Variants in PLA2G2F observed in about 807,000 individuals in gnomAD.
The protein encoded by PLA2G2F is group IIF secretory phospholipase A2.
PLA2G2F carries 17 observed loss-of-function variants against 15.9 expected under a neutral mutation model. The observed-to-expected ratio is 1.07, with a 90% confidence interval of 0.73 to 1.60. The LOEUF is 1.60. Ranked by LOEUF, PLA2G2F falls within the 40% of genes most tolerant of loss-of-function variation. The probability of loss-of-function intolerance (pLI) is 0.00; values close to 1 mark genes in which losing one functional copy is unlikely to be tolerated. For synonymous variants in PLA2G2F, 119 were observed against 106.5 expected, an observed-to-expected ratio of 1.12 and a Z score of -0.72; for missense variants, 299 against 278.2, an observed-to-expected ratio of 1.07 and a Z score of -0.53.
At position 20,139,640 on chromosome 1, in the gene PLA2G2F, G is replaced by A. The variant is rs554963072; in HGVS notation, c.116+97G>A. 1.4e-4 allele frequency: 135 copies of A among 938,984 alleles called. No homozygotes were observed. In the South Asian group the frequency reaches 2.2e-3, roughly 15 times the overall value. The allele number at this position is 938,984 out of a possible 1,614,324, so 58.2% of individuals were successfully genotyped here. A position where few individuals can be genotyped will look rare whatever the true frequency, so the allele number is the denominator to read the frequency against. The stretch of plus-strand genomic sequence containing the variant: ...GAATCCCTTTCTCCTAAGAGTCCAC[G>A]TGGTGGGCAGAACCCCAAAGGGATC... On this transcript the variant is annotated intron_variant, in intron 1 of 4. Coordinates refer to ENST00000375102, the MANE Select transcript of PLA2G2F (RefSeq NM_022819.4).
rs776459350 is a variant in PLA2G2F at position 20,148,391 on chromosome 1, C to T, written c.626C>T (p.Ala209Val). ...AGTCACCAATCCCCAGCGCCCCCCG[C>T]CCCTCCCTAGAGCCTCTGAGGTTTG... ...TCSHQSPAPP[A>V]PP Residue 209 changes from alanine (A) to valine (V), a missense_variant, in exon 5 of 5, where the codon GCC (alanine) becomes GTC (valine). Coordinates refer to ENST00000375102, the MANE Select transcript of PLA2G2F (RefSeq NM_022819.4). 3 of 1,611,302 alleles carry T rather than the reference C, an allele frequency of 1.9e-6. No homozygotes were observed. Among genetic ancestry groups the T allele is most frequent in the Non-Finnish European group, 2.5e-6 (3 of 1,177,908 alleles).
intron 4 of PLA2G2F, among the ~76,000 whole-genome samples, 164 bp downstream of exon 4, chr1:20,144,853 G>A (rs2017556393): frequency 6.6e-6 from 1 of 152,212 alleles, no homozygotes; most frequent in Non-Finnish European, 1.5e-5. Flanking sequence ...GAGGCGGGCG[G>A]ATCACTTGAG....
chr1:20,143,793 G>A (rs1411538023), intron 3 of PLA2G2F: 2 of 624,026 alleles, frequency 3.2e-6, no homozygotes, highest in Non-Finnish European at 5.4e-6. Flanking sequence ...CCATCTCCAA[G>A]GCCATGGGCT....
chr1:20,139,570 A>C (rs896373289), intron 1 of PLA2G2F, 27 bp downstream of exon 1: 1 of 1,448,518 alleles, frequency 6.9e-7, no homozygotes, highest in Non-Finnish European at 9.2e-7. Context: ...CTGAGATGGA[A>C]TCCTCCAGGG....
Position 20,148,445 on chromosome 1 carries a change from T to G in PLA2G2F, c.*44T>G, listed in dbSNP as rs2017659651. ...GAGAGAGCGGGAGGAGGGTCTGGCTTGGGGACCAGACGAGGTGCAGGGAGG... is the reference window on the plus strand; with the variant it reads ...GAGAGAGCGGGAGGAGGGTCTGGCTGGGGGACCAGACGAGGTGCAGGGAGG... On this transcript the variant is annotated 3_prime_UTR_variant, in exon 5 of 5. Transcript: ENST00000375102. 1 of 1,534,076 alleles carries G rather than the reference T, an allele frequency of 6.5e-7. No homozygotes were observed. Among genetic ancestry groups the G allele is most frequent in the African/African-American group, 1.4e-5 (1 of 73,362 alleles).
intron 4 of PLA2G2F, among the ~76,000 whole-genome samples, chr1:20,147,692 C>T (rs2017640483): frequency 6.6e-6 from 1 of 152,166 alleles, no homozygotes; most frequent in South Asian, 2.1e-4. Flanking sequence ...TCAGGTGATC[C>T]ACCTGTCTTG....
rs2017696553 is a variant in PLA2G2F at position 20,149,835 on chromosome 1, G to C, written c.*1434G>C. On this transcript the variant is annotated 3_prime_UTR_variant, in exon 5 of 5. Coordinates refer to ENST00000375102, the MANE Select transcript of PLA2G2F (RefSeq NM_022819.4). ...CCTTACCTGCCCGAGCCTCAACTCA[G>C]GGTCAGCAGCCTCCACGGAGCCAGC... 6.6e-6 allele frequency: 1 copy of C among 152,624 alleles called. No individual in the cohort carries two copies. Among genetic ancestry groups the C allele is most frequent in the Non-Finnish European group, 1.5e-5 (1 of 68,388 alleles). The allele number at this position is 152,624 out of a possible 1,614,324, so 9.5% of individuals were successfully genotyped here.
chr1:20,149,398 C>T lies in PLA2G2F; in HGVS notation c.*997C>T, dbSNP rs558810216. 6.6e-6 allele frequency: 1 copy of T among 152,418 alleles called. No homozygotes were observed. The highest frequency in any genetic ancestry group is 2.1e-4 in the South Asian group (1 of 4,814). The allele number at this position is 152,418 out of a possible 1,614,324, so 9.4% of individuals were successfully genotyped here. The stretch of plus-strand genomic sequence containing the variant: ...AGCAGCCAGAACACCGGAGGGGGAC[C>T]CACACCCTCTCTCCCTGGGCTGTGG... On this transcript the variant is annotated 3_prime_UTR_variant, in exon 5 of 5. Coordinates refer to ENST00000375102, the MANE Select transcript of PLA2G2F (RefSeq NM_022819.4).
At chr1:20,145,284 ATTTT>A (rs201526266) in intron 4 of PLA2G2F, among the ~76,000 whole-genome samples, 1 of 141,034 alleles carries the variant, frequency 7.1e-6, no homozygotes, top group Admixed American at 7.2e-5. Context: ...TAAAACATGT[ATTTT>A]TTTTTTTTTT....
At chr1:20,144,479 G>A (rs754084294) in intron 3 of PLA2G2F, 101 bp from the exon 4 acceptor site, 26 of 860,780 alleles carry the variant, frequency 3.0e-5, no homozygotes, top group Non-Finnish European at 3.9e-5. Flanking sequence ...CAGTTCGAAC[G>A]TTTGACCTGC....
chr1:20,146,974 G>A (rs2017626758), intron 4 of PLA2G2F, among the ~76,000 whole-genome samples: 1 of 152,228 alleles, frequency 6.6e-6, no homozygotes, highest in South Asian at 2.1e-4. Context: ...CAGTCCCTGA[G>A]AGGTTCAGCT....
chr1:20,145,287 T>A (rs1404180144), intron 4 of PLA2G2F, among the ~76,000 whole-genome samples: 1 of 150,694 alleles, frequency 6.6e-6, no homozygotes, highest in Non-Finnish European at 1.5e-5. Context: ...AACATGTATT[T>A]TTTTTTTTTT....
rs1222817559 is a variant in PLA2G2F at position 20,149,778 on chromosome 1, C to T, written c.*1377C>T. 2.0e-5 allele frequency: 3 copies of T among 152,498 alleles called. No individual in the cohort carries two copies. Among genetic ancestry groups the T allele is most frequent in the Non-Finnish European group, 2.9e-5 (2 of 68,328 alleles). 9.4% of individuals were successfully genotyped at this position (152,498 alleles called of 1,614,324 possible). A position where few individuals can be genotyped will look rare whatever the true frequency, so the allele number is the denominator to read the frequency against. On this transcript the variant is annotated 3_prime_UTR_variant, in exon 5 of 5. Coordinates refer to ENST00000375102, the MANE Select transcript of PLA2G2F (RefSeq NM_022819.4). ...GGGGACGGCCCTGCGGCCCCCAGCA[C>T]TGTTGTTTCTCCAGGTGCACCTTAC...
In PLA2G2F at chr1:20,148,389, C is replaced by T. The variant is rs746564093; in HGVS notation, c.624C>T (p.Pro208=). ...VTCSHQSPAP[P]APP ...GCAGTCACCAATCCCCAGCGCCCCC[C>T]GCCCCTCCCTAGAGCCTCTGAGGTT... The change falls in exon 5 of 5, where the codon CCC becomes CCT. Residue 208 remains proline, a synonymous_variant. Transcript: ENST00000375102. 9.9e-6 allele frequency: 16 copies of T among 1,611,470 alleles called. No individual in the cohort carries two copies. The highest frequency in any genetic ancestry group is 2.2e-5 in the East Asian group (1 of 44,872).
chr1:20,143,170 C>T (rs2017510462), intron 2 of PLA2G2F: 3 of 398,454 alleles, frequency 7.5e-6, no homozygotes, highest in Middle Eastern at 6.7e-4. Context: ...TGGGACAGTA[C>T]CTGGCATGGA....
chr1:20,143,808 A>C (rs1338503733), intron 3 of PLA2G2F: 6 of 568,866 alleles, frequency 1.1e-5, no homozygotes, highest in Non-Finnish European at 1.8e-5. Context: ...TGGGCTTGGA[A>C]GTGTTTCAGC....
At position 20,139,350 on chromosome 1, in the gene PLA2G2F, G is replaced by A. The variant is rs552030566; in HGVS notation, c.-78G>A. On this transcript the variant is annotated 5_prime_UTR_variant, in exon 1 of 5. Transcript: ENST00000375102. ...CAGTGTGCGAGGCAGCGTGAAGCTG[G>A]GGCCTGCTCCCCGCAGCCTCTGGAG... 1.8e-4 allele frequency: 202 copies of A among 1,125,556 alleles called. No homozygotes were observed. In the African/African-American group the frequency reaches 2.8e-3, roughly 16 times the overall value. 69.7% of individuals were successfully genotyped at this position (1,125,556 alleles called of 1,614,324 possible). A position where few individuals can be genotyped will look rare whatever the true frequency, so the allele number is the denominator to read the frequency against.
chr1:20,145,604 T>TTTAA (rs140888490), intron 4 of PLA2G2F, among the ~76,000 whole-genome samples: 16,256 of 150,858 alleles, frequency 0.11, 956 homozygotes, highest in Non-Finnish European at 0.14. Flanking sequence ...TACCTGAAAT[T>TTTAA]TTAATTAATT....
In PLA2G2F at chr1:20,146,832, C is replaced by A. The variant is rs184521815; in HGVS notation, c.425-1358C>A. The stretch of plus-strand genomic sequence containing the variant: ...AGCAGATGCCCCCCTATTAAAGCAG[C>A]TGGAGGAGAGAGATTCTCCCCCAGC... On this transcript the variant is annotated intron_variant, in intron 4 of 4. Coordinates refer to ENST00000375102, the MANE Select transcript of PLA2G2F (RefSeq NM_022819.4). Among the ~76,000 whole-genome samples the A allele has an allele frequency of 5.6e-3, 860 of 152,216 alleles. 8 individuals carry two copies. Among genetic ancestry groups the A allele is most frequent in the African/African-American group, 0.02 (832 of 41,510 alleles).
Sources: gnomAD v4.1 joint callset for allele counts (sites outside exome capture counted in the v4.1 genomes callset) on GRCh38, gnomAD v4.1.1 for gene constraint, MANE v1.5 for transcripts, NCBI Gene and HGNC (gene_info 2026-07-23, HGNC 2026-07-21) for gene names.